RYR2: variants seen among roughly 807,000 people sequenced by gnomAD.
The protein encoded by RYR2 is ryanodine receptor 2.
A neutral mutation model predicts 601.1 loss-of-function variants in RYR2; 227 were observed. The ratio of observed to expected loss-of-function variants is 0.38; its 90% confidence interval spans 0.34 to 0.42. The LOEUF is 0.42. RYR2 is among the 10% of genes least tolerant of loss of function. The probability of loss-of-function intolerance (pLI) is 1.00; values close to 1 mark genes in which losing one functional copy is unlikely to be tolerated. For synonymous variants in RYR2, 2,223 were observed against 2,175.1 expected (o/e 1.02, Z -0.61); for missense variants, 4,646 against 6,156.5 (o/e 0.75, Z 8.21).
intron 16 of RYR2, among the ~76,000 whole-genome samples, chr1:237,458,469 CA>C (rs1402217004): frequency 2.0e-5 from 3 of 152,142 alleles, no homozygotes; most frequent in African/African-American, 7.2e-5. Flanking sequence ...ATGTTTCTCC[CA>C]ACTCTTAAGT....
intron 1 of RYR2, among the ~76,000 whole-genome samples, chr1:237,237,237 G>T (rs1241043856): frequency 6.6e-6 from 1 of 152,132 alleles, no homozygotes; most frequent in Admixed American, 6.5e-5. Context: ...TGTGAGAAAA[G>T]ACTAATACAA....
chr1:237,287,131 T>C (rs1450701046), intron 2 of RYR2, among the ~76,000 whole-genome samples: 1 of 152,306 alleles, frequency 6.6e-6, no homozygotes, highest in East Asian at 1.9e-4. Context: ...AGGCTGAAGA[T>C]ACGGCCCCAG....
At chr1:237,643,582 TA>T (rs2148759397) in intron 48 of RYR2, 135 bp downstream of exon 48, 4 of 858,486 alleles carry the variant, frequency 4.7e-6, no homozygotes, top group East Asian at 3.0e-5. Context: ...TTAGTTTTTT[TA>T]AAAAAGCTGT....
intron 1 of RYR2, among the ~76,000 whole-genome samples, chr1:237,138,894 A>G (rs150431331): frequency 5.9e-5 from 9 of 152,360 alleles, no homozygotes; most frequent in African/African-American, 2.2e-4. Flanking sequence ...AAGGCAGACA[A>G]GTGTTGTCAA....
chr1:237,755,723 A>C (rs1692897534), intron 80 of RYR2, among the ~76,000 whole-genome samples: 1 of 152,200 alleles, frequency 6.6e-6, no homozygotes, highest in Admixed American at 6.5e-5. Context: ...GGCACATTGC[A>C]TCTCTTATTC....
At chr1:237,312,804 T>C (rs1489409201) in intron 2 of RYR2, among the ~76,000 whole-genome samples, 2 of 152,236 alleles carry the variant, frequency 1.3e-5, no homozygotes. Flanking sequence ...AAAATTGGAA[T>C]TTACTATTGC....
intron 78 of RYR2, among the ~76,000 whole-genome samples, chr1:237,733,041 A>G (rs989386819): frequency 1.3e-5 from 2 of 152,008 alleles, no homozygotes; most frequent in African/African-American, 4.8e-5. Context: ...ATTATTTCCT[A>G]ACTAACAAAA....
rs1662171309 is a variant in RYR2 at position 237,819,322 on chromosome 1, G to C, written c.14590+130G>C. On this transcript the variant is annotated intron_variant, in intron 101 of 104. Coordinates refer to ENST00000366574, the MANE Select transcript of RYR2 (RefSeq NM_001035.3). This position sits in a 1 kb window ranked among gnomAD's most constrained non-coding sequence, Gnocchi z 4.0. ...AAGCCAAATCAAACTTTTCCTTCCA[G>C]TATTTCTTCATCATGCAATCTACCG... is the stretch of plus-strand genomic sequence containing the variant. 2.4e-6 allele frequency: 2 copies of C among 845,220 alleles called. No homozygotes were observed. Among genetic ancestry groups the C allele is most frequent in the Admixed American group, 2.1e-5 (1 of 46,534 alleles). 52.4% of individuals were successfully genotyped at this position (845,220 alleles called of 1,614,324 possible). A position where few individuals can be genotyped will look rare whatever the true frequency, so the allele number is the denominator to read the frequency against.
In RYR2 at chr1:237,833,126, G is replaced by A. The variant is rs1663988010; in HGVS notation, c.*479G>A. On this transcript the variant is annotated 3_prime_UTR_variant, in exon 105 of 105. Transcript: ENST00000366574. ...GGGAAATAGTGCCTTACTATATGTG[G>A]GTTGAGCTATGCAGAAGATACGTGC... is the stretch of plus-strand genomic sequence containing the variant. The A allele has an allele frequency of 6.5e-6, 1 of 152,724 alleles. No homozygotes were observed. The allele number at this position is 152,724 out of a possible 1,614,324, so 9.5% of individuals were successfully genotyped here.
At chr1:237,474,285 A>G (rs1661152830) in intron 17 of RYR2, among the ~76,000 whole-genome samples, 3 of 48,674 alleles carry the variant, frequency 6.2e-5, no homozygotes, top group Admixed American at 2.7e-4. Flanking sequence ...ACACACACAC[A>G]TATATATATA....
chr1:237,069,010 T>C (rs1663988586), intron 1 of RYR2, among the ~76,000 whole-genome samples: 1 of 152,188 alleles, frequency 6.6e-6, no homozygotes, highest in Admixed American at 6.5e-5. Flanking sequence ...AAAGAAGTTA[T>C]AAATGTAAGA....
At chr1:237,638,709 C>A (rs956281319) in intron 45 of RYR2, among the ~76,000 whole-genome samples, 1 of 152,076 alleles carries the variant, frequency 6.6e-6, no homozygotes, top group African/African-American at 2.4e-5. Flanking sequence ...TCTAAGTTCT[C>A]CTAAATTTTT....
At chr1:237,055,193 G>C (rs1322037627) in intron 1 of RYR2, among the ~76,000 whole-genome samples, 1 of 152,156 alleles carries the variant, frequency 6.6e-6, no homozygotes, top group Non-Finnish European at 1.5e-5. Context: ...TGACACGTTT[G>C]GGAGAGAGAT....
At chr1:237,353,480 G>C (rs966068231) in intron 3 of RYR2, among the ~76,000 whole-genome samples, 1 of 141,252 alleles carries the variant, frequency 7.1e-6, no homozygotes, top group African/African-American at 2.7e-5. Flanking sequence ...CTGCATTCCA[G>C]CCTGGGTGAC....
intron 1 of RYR2, among the ~76,000 whole-genome samples, chr1:237,055,297 C>T (rs1661848124): frequency 6.6e-6 from 1 of 151,900 alleles, no homozygotes; most frequent in Non-Finnish European, 1.5e-5. Context: ...TAAAAGGGGC[C>T]CTGGAAGTTA....
At chr1:237,267,340 G>A (rs1689176515) in intron 1 of RYR2, among the ~76,000 whole-genome samples, 1 of 152,154 alleles carries the variant, frequency 6.6e-6, no homozygotes, top group Non-Finnish European at 1.5e-5. Flanking sequence ...GCAACATAGT[G>A]AGACCCTGTC....
At chr1:237,223,697 C>G (rs775912671) in intron 1 of RYR2, among the ~76,000 whole-genome samples, 12 of 152,124 alleles carry the variant, frequency 7.9e-5, no homozygotes, top group Non-Finnish European at 1.8e-4. Flanking sequence ...TCTCTTCTGT[C>G]AACTAGAAAT....
chr1:237,260,274 G>A (rs1369480033), intron 1 of RYR2, among the ~76,000 whole-genome samples: 1 of 152,204 alleles, frequency 6.6e-6, no homozygotes, highest in African/African-American at 2.4e-5. Context: ...CTTAGTGAAA[G>A]TGAGCTTATT....
At chr1:237,793,050 G>C (rs1416143705) in intron 94 of RYR2, among the ~76,000 whole-genome samples, 2 of 152,210 alleles carry the variant, frequency 1.3e-5, no homozygotes, top group Non-Finnish European at 2.9e-5. Flanking sequence ...CCCATTACCT[G>C]TCCAAACCTC....
Sources: allele counts gnomAD v4.1 joint callset (sites outside exome capture counted in the v4.1 genomes callset), GRCh38; gene constraint gnomAD v4.1.1; non-coding constraint Gnocchi (gnomAD v3.1); transcripts MANE v1.5; gene names NCBI Gene and HGNC (gene_info 2026-07-23, HGNC 2026-07-21).